ZNF723: variants seen among roughly 807,000 people sequenced by gnomAD.
ZNF723 encodes zinc finger protein 723, pseudogene.
In ZNF723, 5 loss-of-function variants were observed where a neutral mutation model predicts 9.4. The observed-to-expected ratio is 0.53, with a 90% confidence interval of 0.28 to 1.12. The LOEUF (loss-of-function observed/expected upper bound fraction) is 1.12, where lower values mean the gene tolerates loss of function less well. Ranked by LOEUF, ZNF723 falls within the 50% of genes most tolerant of loss-of-function variation. ZNF723 has a pLI of 0.10. For synonymous variants in ZNF723, 158 were observed against 168.8 expected (o/e 0.94, Z 0.49); for missense variants, 450 against 501.5 (o/e 0.90, Z 0.98).
At chr19:22,845,861 A>G (rs911833598) in intron 1 of ZNF723, among the ~76,000 whole-genome samples, 86 of 148,646 alleles carry the variant, frequency 5.8e-4, no homozygotes, top group Admixed American at 1.6e-3. Context: ...GGAATCCCAG[A>G]GAAGGAGGAG....
At chr19:22,820,101 T>G in the ZNF723 span, among the ~76,000 whole-genome samples, 72 of 152,130 alleles carry the variant, frequency 4.7e-4, no homozygotes, top group African/African-American at 1.7e-3. Flanking sequence ...CCCCACATAT[T>G]TTTAGTATTC....
the ZNF723 span, among the ~76,000 whole-genome samples, chr19:22,822,099 A>T: frequency 6.6e-6 from 1 of 152,300 alleles, no homozygotes; most frequent in African/African-American, 2.4e-5. Context: ...GACAAGAGCG[A>T]GACTCCATCT....
At chr19:22,853,751 A>C (rs1967430088) in intron 3 of ZNF723, among the ~76,000 whole-genome samples, 3 of 152,078 alleles carry the variant, frequency 2.0e-5, no homozygotes, top group Admixed American at 1.3e-4. Flanking sequence ...AGTAGCTGGA[A>C]TTGCAGGCAC....
chr19:22,850,409 G>A (rs1967377492), intron 3 of ZNF723, among the ~76,000 whole-genome samples: 1 of 150,112 alleles, frequency 6.7e-6, no homozygotes, highest in South Asian at 2.1e-4. Context: ...GTTTCACCAT[G>A]TAGGCCAGGC....
At chr19:22,826,831 C>T in the ZNF723 span, among the ~76,000 whole-genome samples, 2 of 152,034 alleles carry the variant, frequency 1.3e-5, no homozygotes, top group Non-Finnish European at 2.9e-5. Flanking sequence ...ATTTTGCTGC[C>T]AACTTATATA....
the ZNF723 span, among the ~76,000 whole-genome samples, chr19:22,827,108 A>G: frequency 6.6e-6 from 1 of 152,244 alleles, no homozygotes; most frequent in South Asian, 2.1e-4. Context: ...TATCCCCCAA[A>G]ATAGGGCTGT....
chr19:22,828,309 T>G (rs1967058766), upstream of ZNF723, among the ~76,000 whole-genome samples: 1 of 152,104 alleles, frequency 6.6e-6, no homozygotes, highest in African/African-American at 2.4e-5. Context: ...GGCCTAGAGT[T>G]TTGGTCACAC....
chr19:22,838,794 C>G (rs915814592), intron 1 of ZNF723, among the ~76,000 whole-genome samples: 13 of 151,972 alleles, frequency 8.6e-5, no homozygotes, highest in African/African-American at 3.1e-4. Context: ...GTTGCCCAAG[C>G]TGGAGTGCAA....
chr19:22,844,771 A>G (rs552441324), intron 1 of ZNF723, among the ~76,000 whole-genome samples: 1 of 152,262 alleles, frequency 6.6e-6, no homozygotes, highest in African/African-American at 2.4e-5. Flanking sequence ...TGCTTTCTCT[A>G]ATGCTAATAA....
intron 3 of ZNF723, among the ~76,000 whole-genome samples, chr19:22,856,877 TTTCTC>T (rs1388394115): frequency 4.6e-5 from 7 of 152,332 alleles, no homozygotes; most frequent in East Asian, 1.9e-4. Context: ...GCAATAAACT[TTTCTC>T]TTCATTCTAT....
At chr19:22,831,646 C>T (rs566053860), upstream of ZNF723, among the ~76,000 whole-genome samples, 5 of 152,002 alleles carry the variant, frequency 3.3e-5, no homozygotes, top group East Asian at 9.7e-4. Flanking sequence ...CGCGATGGCT[C>T]ACGCCTGTAA....
chr19:22,848,118 A>T (rs1417398921), intron 1 of ZNF723, 143 bp from the exon 2 acceptor site: 1 of 396,676 alleles, frequency 2.5e-6, no homozygotes, highest in Non-Finnish European at 4.5e-6. Flanking sequence ...AAAAAAAAAA[A>T]AAATTATTGG....
Position 22,848,446 on chromosome 19 carries a change from T to C in ZNF723, c.130+59T>C. The C allele has an allele frequency of 4.1e-6, 5 of 1,221,574 alleles. No homozygotes were observed. The Admixed American group carries it at 6.9e-5, about 17-fold the overall frequency. 75.7% of individuals were successfully genotyped at this position (1,221,574 alleles called of 1,614,324 possible). ...CTGTAAATGTTTCTTTTTTTGGTGT[T>C]GTAGAATGTTTTTTGGTAATTGATG... On this transcript the variant is annotated intron_variant, in intron 2 of 3. Coordinates refer to ENST00000600766, the MANE Select transcript of ZNF723 (RefSeq NM_001349726.2).
intron 1 of ZNF723, 106 bp downstream of exon 1, chr19:22,832,488 C>G (rs1270961518): frequency 1.7e-6 from 2 of 1,185,882 alleles, no homozygotes; most frequent in African/African-American, 3.1e-5. Context: ...GCCCCACAAT[C>G]TGCGCTCGGA....
At chr19:22,845,034 G>A (rs1967290915) in intron 1 of ZNF723, among the ~76,000 whole-genome samples, 1 of 152,138 alleles carries the variant, frequency 6.6e-6, no homozygotes, top group Non-Finnish European at 1.5e-5. Context: ...CAGGAGAATG[G>A]CATGAACCCG....
At chr19:22,840,540 G>A (rs1427767706) in intron 1 of ZNF723, 2 of 152,100 alleles carry the variant, frequency 1.3e-5, no homozygotes, top group Non-Finnish European at 2.9e-5. Context: ...TATTTAAAGA[G>A]AAATATTTTT....
upstream of ZNF723, among the ~76,000 whole-genome samples, chr19:22,827,396 G>T (rs987684738): frequency 2.6e-5 from 4 of 151,978 alleles, no homozygotes; most frequent in African/African-American, 9.7e-5. Context: ...TGTTCATGGG[G>T]ACCTTGGCTA....
Position 22,845,889 on chromosome 19 carries a change from C to CTTTTTTTTTTTTTTT in ZNF723, c.4-2368_4-2354dup, listed in dbSNP as rs1214348571. Among the ~76,000 whole-genome samples the CTTTTTTTTTTTTTTT allele has an allele frequency of 1.0e-4, 13 of 124,366 alleles. 1 individual carries two copies. Among genetic ancestry groups the CTTTTTTTTTTTTTTT allele is most frequent in the South Asian group, 5.3e-4 (2 of 3,746 alleles). 81.6% of individuals were successfully genotyped at this position (124,366 alleles called of 152,430 possible). Reference sequence around the variant, plus strand: ...AGGAGGAGATAGGGAAAAAATATGCCTTTTTTTTTTTTTTTTTTAGCTAAA... The same window carrying CTTTTTTTTTTTTTTT: ...AGGAGGAGATAGGGAAAAAATATGCCTTTTTTTTTTTTTTTTTTTTTTTTTTTTTTTTTAGCTAAA... On this transcript the variant is annotated intron_variant, in intron 1 of 3. Transcript: ENST00000600766.
rs533807062 is a variant in ZNF723, at chr19:22,858,160, A to T, written c.1269A>T (p.Arg423Ser). 1 of 1,415,446 alleles carries T rather than the reference A, an allele frequency of 7.1e-7. No individual in the cohort carries two copies. Among genetic ancestry groups the T allele is most frequent in the Non-Finnish European group, 1.0e-6 (1 of 1,001,048 alleles). 87.7% of individuals were successfully genotyped at this position (1,415,446 alleles called of 1,614,324 possible). A position where few individuals can be genotyped will look rare whatever the true frequency, so the allele number is the denominator to read the frequency against. Residue 423 changes from arginine to serine, a missense_variant, in exon 4 of 4, where the codon AGA becomes AGT. Physicochemically the swap from Arg to Ser is moderately radical, Grantham distance 110 (BLOSUM62 -1). Transcript: ENST00000600766. ...ATAAGATAATTCATACTGGAGAAAG[A>T]CCTTACAAATGTAAACAATGTGGTA... ...TTHKIIHTGE[R>S]PYKCKQCGKG...
Sources: allele counts gnomAD v4.1 joint callset (sites outside exome capture counted in the v4.1 genomes callset), GRCh38; gene constraint gnomAD v4.1.1; transcripts MANE v1.5; gene names NCBI Gene and HGNC (gene_info 2026-07-23, HGNC 2026-07-21).